The following CNTLN variants were observed in gnomAD, a reference collection of about 807,000 sequenced individuals.
CNTLN encodes centlein, also known as centlein, centrosomal protein.
In CNTLN, 212 loss-of-function variants were observed where a neutral mutation model predicts 180.0. That is an observed-to-expected ratio of 1.18 (90% CI 1.05 to 1.32). The LOEUF is 1.32. CNTLN is among the 40% of genes most tolerant of loss of function. The pLI, the probability that CNTLN is intolerant of heterozygous loss-of-function variation, is 0.00. For missense variants in CNTLN, 2,095 were observed against 1,610.9 expected, an observed-to-expected ratio of 1.30 and a Z score of -5.14; for synonymous variants, 722 against 563.1, an observed-to-expected ratio of 1.28 and a Z score of -3.99.
At chr9:17,490,857 C>T (rs1833125150) in intron 25 of CNTLN, among the ~76,000 whole-genome samples, 1 of 152,026 alleles carries the variant, frequency 6.6e-6, no homozygotes, top group African/African-American at 2.4e-5. Flanking sequence ...CCACCAATAG[C>T]AGAGATTTCT....
intron 18 of CNTLN, among the ~76,000 whole-genome samples, chr9:17,453,031 G>A (rs1209435536): frequency 6.6e-6 from 1 of 152,138 alleles, no homozygotes; most frequent in Non-Finnish European, 1.5e-5. Context: ...GAAAATGGGG[G>A]TCAAGCACAG....
intron 15 of CNTLN, among the ~76,000 whole-genome samples, chr9:17,407,909 T>G (rs1827519005): frequency 6.6e-6 from 1 of 151,844 alleles, no homozygotes; most frequent in African/African-American, 2.4e-5. Flanking sequence ...GTGGATTACC[T>G]GAGGTCAGGA....
At chr9:17,428,116 G>T (rs1022907348) in intron 18 of CNTLN, among the ~76,000 whole-genome samples, 3 of 152,142 alleles carry the variant, frequency 2.0e-5, no homozygotes, top group Admixed American at 6.6e-5. Context: ...TGGCATTTCT[G>T]AGAAGGTGAC....
At chr9:17,215,188 C>A (rs1052294485) in intron 2 of CNTLN, among the ~76,000 whole-genome samples, 2 of 152,214 alleles carry the variant, frequency 1.3e-5, no homozygotes, top group Non-Finnish European at 2.9e-5. Context: ...GTAGTTTTAT[C>A]TACCTTTGGT....
intron 5 of CNTLN, among the ~76,000 whole-genome samples, chr9:17,242,099 G>C (rs1260303650): frequency 6.6e-6 from 1 of 152,106 alleles, no homozygotes; most frequent in Non-Finnish European, 1.5e-5. Flanking sequence ...TGGTGAAAGT[G>C]GATATTCTTG....
chr9:17,482,011 A>G (rs537139875), intron 23 of CNTLN, among the ~76,000 whole-genome samples: 10 of 152,348 alleles, frequency 6.6e-5, no homozygotes, highest in African/African-American at 2.2e-4. Flanking sequence ...AAATGTACAG[A>G]CACCAGTGCA....
In CNTLN at chr9:17,210,707, C is replaced by G. The variant is rs1046608985; in HGVS notation, c.450-15496C>G. 2.6e-5 allele frequency among the ~76,000 whole-genome samples: 4 copies of G among 152,194 alleles called. No homozygotes were observed. In the East Asian group the frequency reaches 5.8e-4, roughly 22 times the overall value. Reference sequence around the variant, plus strand: ...TAAAAATGTTCCTGTTTCTCCGCATCCAGCACCTGTTGTTTCCTGACTTTT... The same window carrying G: ...TAAAAATGTTCCTGTTTCTCCGCATGCAGCACCTGTTGTTTCCTGACTTTT... On this transcript the variant is annotated intron_variant, in intron 2 of 25. Transcript: ENST00000380647.
intron 24 of CNTLN, among the ~76,000 whole-genome samples, chr9:17,486,353 T>C (rs1205629304): frequency 6.6e-6 from 1 of 152,112 alleles, no homozygotes; most frequent in Admixed American, 6.6e-5. Context: ...GTTTTTTTTT[T>C]CGTAAACTGA....
intron 19 of CNTLN, among the ~76,000 whole-genome samples, chr9:17,462,652 G>T (rs746256052): frequency 2.6e-5 from 4 of 151,502 alleles, no homozygotes; most frequent in Non-Finnish European, 4.4e-5. Flanking sequence ...CATATTTCCT[G>T]TAAATGTATT....
chr9:17,499,092 A>G (rs780281673), intron 25 of CNTLN, among the ~76,000 whole-genome samples: 1 of 152,176 alleles, frequency 6.6e-6, no homozygotes, highest in Non-Finnish European at 1.5e-5. Flanking sequence ...TTTGCACTCA[A>G]AAAAATATGG....
intron 6 of CNTLN, among the ~76,000 whole-genome samples, chr9:17,282,928 T>C (rs1828754241): frequency 6.6e-6 from 1 of 152,146 alleles, no homozygotes; most frequent in South Asian, 2.1e-4. Context: ...GAGATCTCTG[T>C]TCTGTTCTAT....
the CNTLN span, among the ~76,000 whole-genome samples, chr9:17,512,669 A>G: frequency 6.6e-6 from 1 of 152,218 alleles, no homozygotes; most frequent in African/African-American, 2.4e-5. Flanking sequence ...GAGTTCAAAA[A>G]AGAATACTTT....
At chr9:17,165,840 T>C (rs1009882879) in intron 2 of CNTLN, among the ~76,000 whole-genome samples, 1 of 152,186 alleles carries the variant, frequency 6.6e-6, no homozygotes, top group Non-Finnish European at 1.5e-5. Context: ...ATAATTCTTC[T>C]CTGGAGAAAC....
intron 12 of CNTLN, among the ~76,000 whole-genome samples, chr9:17,345,530 G>T (rs567807180): frequency 4.9e-4 from 72 of 148,412 alleles, no homozygotes; most frequent in Non-Finnish European, 2.8e-4. Context: ...ATATCTTTTT[G>T]AGTAGTTTTT....
intron 13 of CNTLN, among the ~76,000 whole-genome samples, chr9:17,385,066 A>C (rs1159534455): frequency 6.6e-6 from 1 of 152,208 alleles, no homozygotes; most frequent in Non-Finnish European, 1.5e-5. Flanking sequence ...ATTTGCTAGA[A>C]TGGCTCAAAA....
chr9:17,492,261 T>A (rs1833205684), intron 25 of CNTLN, among the ~76,000 whole-genome samples: 1 of 151,018 alleles, frequency 6.6e-6, no homozygotes, highest in Admixed American at 6.6e-5. Flanking sequence ...TTCTTGTAAT[T>A]CCTTTTTCTT....
intron 22 of CNTLN, among the ~76,000 whole-genome samples, chr9:17,466,489 A>T (rs1247186499): frequency 6.6e-6 from 1 of 151,444 alleles, no homozygotes; most frequent in African/African-American, 2.4e-5. Flanking sequence ...ATTATTTGTA[A>T]TCTTTAAAAA....
rs56376464 is a variant in CNTLN, at chr9:17,334,420, TACACACAC to T, written c.1644+1710_1644+1717del. 4.7e-3 allele frequency among the ~76,000 whole-genome samples: 710 copies of T among 149,656 alleles called. 5 individuals are homozygous for T. The highest frequency in any genetic ancestry group is 0.014 in the Middle Eastern group (4 of 282). ...CTCCAGAGAAACAGAGCCAATAGAA[TACACACAC>T]ACACACACACACACACACAGAACAA... is the stretch of plus-strand genomic sequence containing the variant. On this transcript the variant is annotated intron_variant, in intron 10 of 25. Coordinates refer to ENST00000380647, the MANE Select transcript of CNTLN (RefSeq NM_017738.4).
intron 6 of CNTLN, among the ~76,000 whole-genome samples, chr9:17,282,322 C>T (rs555105120): frequency 2.0e-5 from 3 of 152,208 alleles, no homozygotes; most frequent in Non-Finnish European, 2.9e-5. Context: ...TTTTGATTTG[C>T]ATTTCTCTAA....
Sources: allele counts gnomAD v4.1 joint callset (sites outside exome capture counted in the v4.1 genomes callset), GRCh38; gene constraint gnomAD v4.1.1; transcripts MANE v1.5; gene names NCBI Gene and HGNC (gene_info 2026-07-23, HGNC 2026-07-21).